ITGA1: variants seen among roughly 807,000 people sequenced by gnomAD.
The protein encoded by ITGA1 is integrin subunit alpha 1.
In ITGA1, 85 loss-of-function variants were observed where a neutral mutation model predicts 145.9. That is an observed-to-expected ratio of 0.58 (90% CI 0.49 to 0.70). ITGA1 has a LOEUF of 0.70. Ranked by LOEUF, ITGA1 falls within the 30% of genes least tolerant of loss-of-function variation. ITGA1 has a pLI of 0.00. For synonymous variants in ITGA1, 520 were observed against 495.3 expected, an observed-to-expected ratio of 1.05 and a Z score of -0.66; for missense variants, 1,351 against 1,418.7, an observed-to-expected ratio of 0.95 and a Z score of 0.77.
Position 52,887,963 on chromosome 5 carries a change from G to A in ITGA1, c.922G>A (p.Ala308Thr). The A allele has an allele frequency of 6.2e-7, 1 of 1,611,550 alleles. No homozygotes were observed. The highest frequency in any genetic ancestry group is 8.5e-7 in the Non-Finnish European group (1 of 1,178,132). ...EDENIQRFSI[A>T]ILGSYNRGNL... The stretch of plus-strand genomic sequence containing the variant: ...TGAAAACATTCAACGGTTTTCCATA[G>A]CTGTAAGTGTGTTGCCGGAGATATT... Residue 308 changes from alanine (A) to threonine (T), a missense_variant and splice_region_variant, in exon 8 of 29, where the codon GCT becomes ACT. By Grantham distance (58) the Ala-to-Thr change is moderately conservative. Transcript: ENST00000282588.
chr5:52,889,906 A>C (rs1750116785), intron 8 of ITGA1: 1 of 151,898 alleles, frequency 6.6e-6, no homozygotes, highest in Non-Finnish European at 1.5e-5. Flanking sequence ...TTAAAAAAAA[A>C]AATCAAGCAA....
At chr5:52,821,589 C>T (rs1305665232) in intron 1 of ITGA1, among the ~76,000 whole-genome samples, 1 of 152,138 alleles carries the variant, frequency 6.6e-6, no homozygotes, top group East Asian at 1.9e-4. Flanking sequence ...AAGAGTTGGA[C>T]ACAGTAAGCA....
At chr5:52,878,271 A>G (rs1249374242) in intron 6 of ITGA1, among the ~76,000 whole-genome samples, 1 of 152,204 alleles carries the variant, frequency 6.6e-6, no homozygotes, top group Non-Finnish European at 1.5e-5. Flanking sequence ...TCCAGAGCAG[A>G]TAAGGGAATA....
At chr5:52,868,086 T>G (rs13164431) in intron 6 of ITGA1, among the ~76,000 whole-genome samples, 83,592 of 151,904 alleles carry the variant, frequency 0.55, 23,210 homozygotes, top group African/African-American at 0.56. Flanking sequence ...CATGATGTGC[T>G]TTCTTTCCTT....
At chr5:52,813,533 A>T (rs1369101868) in intron 1 of ITGA1, among the ~76,000 whole-genome samples, 1 of 152,186 alleles carries the variant, frequency 6.6e-6, no homozygotes, top group Non-Finnish European at 1.5e-5. Context: ...CAAAGAGGGG[A>T]GGCACAGTCA....
chr5:52,864,814 G>T lies in ITGA1; in HGVS notation c.347G>T (p.Gly116Val). 6.2e-7 allele frequency: 1 copy of T among 1,612,924 alleles called. No individual in the cohort carries two copies. ...VTEVKENMTF[G>V]STLVTNPNGG... ...GAAGTAAAGGAGAACATGACATTTG[G>T]ATCAACTTTAGTCACCAACCCAAAT... Residue 116 changes from glycine to valine, a missense_variant, in exon 4 of 29, where the codon GGA (glycine) becomes GTA (valine). Physicochemically the swap from Gly to Val is moderately radical, Grantham distance 109. Coordinates refer to ENST00000282588, the MANE Select transcript of ITGA1 (RefSeq NM_181501.2).
chr5:52,803,595 T>A (rs1748531064), intron 1 of ITGA1: 1 of 152,208 alleles, frequency 6.6e-6, no homozygotes, highest in Admixed American at 6.5e-5. Flanking sequence ...AGTGTCCAGG[T>A]TGCAGCTCAG....
chr5:52,910,479 A>G (rs1750488013), intron 14 of ITGA1, 60 bp downstream of exon 14: 3 of 1,535,956 alleles, frequency 2.0e-6, no homozygotes, highest in Non-Finnish European at 1.8e-6. Context: ...AATGCCAGGC[A>G]TTACCTGTCT....
At chr5:52,907,926 G>T (rs557790625) in intron 12 of ITGA1, among the ~76,000 whole-genome samples, 1 of 152,228 alleles carries the variant, frequency 6.6e-6, no homozygotes, top group South Asian at 2.1e-4. Flanking sequence ...TCAAAAGTCA[G>T]TGTCTTTTGC....
intron 1 of ITGA1, among the ~76,000 whole-genome samples, chr5:52,799,206 TAA>T (rs1748404341): frequency 6.6e-6 from 1 of 152,210 alleles, no homozygotes; most frequent in African/African-American, 2.4e-5. Context: ...ATCGGTCTCT[TAA>T]AGAGGCAATC....
At chr5:52,797,496 T>C (rs1169565235) in intron 1 of ITGA1, among the ~76,000 whole-genome samples, 1 of 151,758 alleles carries the variant, frequency 6.6e-6, no homozygotes, top group East Asian at 1.9e-4. Flanking sequence ...GAGAAAAGTA[T>C]AATAATTTTA....
At chr5:52,923,468 G>A (rs1184700448) in intron 18 of ITGA1, among the ~76,000 whole-genome samples, 1 of 151,788 alleles carries the variant, frequency 6.6e-6, no homozygotes, top group Admixed American at 6.6e-5. Flanking sequence ...CACTTTCTCA[G>A]CTATCTACTG....
At chr5:52,821,412 A>C (rs1748877128) in intron 1 of ITGA1, among the ~76,000 whole-genome samples, 1 of 152,222 alleles carries the variant, frequency 6.6e-6, no homozygotes, top group Non-Finnish European at 1.5e-5. Context: ...TTCATAAAAA[A>C]TAAGAATATT....
intron 1 of ITGA1, among the ~76,000 whole-genome samples, chr5:52,798,299 A>G (rs150179285): frequency 1.3e-5 from 2 of 152,148 alleles, no homozygotes; most frequent in South Asian, 2.1e-4. Context: ...AGACATAGAG[A>G]GCGAGAAACA....
intron 18 of ITGA1, among the ~76,000 whole-genome samples, 196 bp downstream of exon 18, chr5:52,923,083 CT>C (rs1750754103): frequency 6.6e-6 from 1 of 152,176 alleles, no homozygotes; most frequent in Admixed American, 6.5e-5. Flanking sequence ...AAGACCTTCT[CT>C]TCAAGCTGTG....
chr5:52,815,742 T>G (rs1336443565), intron 1 of ITGA1, among the ~76,000 whole-genome samples: 5 of 152,250 alleles, frequency 3.3e-5, no homozygotes, highest in Non-Finnish European at 5.9e-5. Context: ...ATGATTCTTA[T>G]GTCTTAAAAT....
At chr5:52,852,813 A>T (rs1174833944) in intron 2 of ITGA1, among the ~76,000 whole-genome samples, 3 of 152,146 alleles carry the variant, frequency 2.0e-5, no homozygotes, top group Non-Finnish European at 4.4e-5. Context: ...CTCAATCATT[A>T]TTTGTTGGCT....
At chr5:52,906,055 A>G (rs1043130053) in intron 12 of ITGA1, 147 bp downstream of exon 12, 1 of 637,526 alleles carries the variant, frequency 1.6e-6, no homozygotes, top group Non-Finnish European at 2.6e-6. Context: ...CTTTGGAAGG[A>G]TGTATAGTGT....
chr5:52,836,683 T>A (rs74650876), intron 1 of ITGA1, among the ~76,000 whole-genome samples: 2,511 of 152,154 alleles, frequency 0.017, 65 homozygotes, highest in African/African-American at 0.058. Context: ...TTGATCTCAA[T>A]GTGGCTGAAA....
Sources: allele counts gnomAD v4.1 joint callset (sites outside exome capture counted in the v4.1 genomes callset), GRCh38; gene constraint gnomAD v4.1.1; transcripts MANE v1.5; gene names NCBI Gene and HGNC (gene_info 2026-07-23, HGNC 2026-07-21).